The following TBCD variants were observed in gnomAD, a reference collection of about 807,000 sequenced individuals.
The protein encoded by TBCD is tubulin-specific chaperone D.
TBCD carries 105 observed loss-of-function variants against 169.3 expected under a neutral mutation model. That is an observed-to-expected ratio of 0.62 (90% CI 0.53 to 0.73). The LOEUF is 0.73. Among genes scored for constraint, TBCD ranks in the 30% least tolerant of loss-of-function variants. The probability of loss-of-function intolerance (pLI) is 0.00; values close to 1 mark genes in which losing one functional copy is unlikely to be tolerated. For synonymous variants in TBCD, 700 were observed against 643.9 expected (o/e 1.09, Z -1.32); for missense variants, 1,444 against 1,600.1 (o/e 0.90, Z 1.66).
At chr17:82,790,350 G>A (rs1430853992) in intron 7 of TBCD, among the ~76,000 whole-genome samples, 6 of 152,204 alleles carry the variant, frequency 3.9e-5, no homozygotes, top group African/African-American at 9.7e-5. Flanking sequence ...TGTGGCCTGC[G>A]TAAAGGGTGG....
intron 12 of TBCD, 139 bp from the exon 13 acceptor site, chr17:82,814,701 G>A: frequency 1.3e-6 from 1 of 780,512 alleles, no homozygotes; most frequent in Non-Finnish European, 2.1e-6. Context: ...AAAAACTTAG[G>A]AATGGGTTTT....
chr17:82,889,515 G>C lies in TBCD; in HGVS notation c.1534-153G>C, dbSNP rs939216215. Among the ~76,000 whole-genome samples the C allele has an allele frequency of 6.6e-6, 1 of 152,132 alleles. No homozygotes were observed. The highest frequency in any genetic ancestry group is 2.4e-5 in the African/African-American group (1 of 41,418). ...CACCAGGACGTAAAAACAGAGTGAC[G>C]CACCTTGAGGCTCTGTTCAGCCAAC... is the stretch of plus-strand genomic sequence containing the variant. On this transcript the variant is annotated intron_variant, in intron 15 of 38. Transcript: ENST00000355528. This position sits in a 1 kb window ranked among gnomAD's most constrained non-coding sequence, Gnocchi z 5.3.
chr17:82,938,549 TA>T (rs1408650763), intron 36 of TBCD, among the ~76,000 whole-genome samples: 1 of 152,236 alleles, frequency 6.6e-6, no homozygotes, highest in Non-Finnish European at 1.5e-5. Flanking sequence ...GACATTTTCC[TA>T]AAAGGCAAAA....
chr17:82,784,717 C>T (rs148797097), intron 7 of TBCD, among the ~76,000 whole-genome samples: 1 of 152,140 alleles, frequency 6.6e-6, no homozygotes, highest in South Asian at 2.1e-4. Flanking sequence ...GCTGGGTGTA[C>T]AGACAGCCTC....
At chr17:82,823,258 G>T (rs1215150297) in intron 13 of TBCD, among the ~76,000 whole-genome samples, 10 of 152,220 alleles carry the variant, frequency 6.6e-5, no homozygotes. Context: ...GCTGCCCCCT[G>T]CAGGCCTGTG....
intron 5 of TBCD, among the ~76,000 whole-genome samples, chr17:82,771,276 G>A (rs1388592944): frequency 6.6e-6 from 1 of 152,022 alleles, no homozygotes; most frequent in African/African-American, 2.4e-5. Context: ...GAGTTTGAGA[G>A]CAGCCTAGAC....
intron 7 of TBCD, among the ~76,000 whole-genome samples, chr17:82,784,457 C>T (rs533837126): frequency 1.1e-4 from 17 of 152,020 alleles, no homozygotes; most frequent in African/African-American, 2.2e-4. Context: ...TTGAAGGGTA[C>T]GGGGGTGGAG....
chr17:82,917,605 G>A (rs994576344), intron 23 of TBCD, among the ~76,000 whole-genome samples: 3 of 152,232 alleles, frequency 2.0e-5, no homozygotes, highest in African/African-American at 7.2e-5. Context: ...GAGACTTGAT[G>A]TTGGCTCTTG....
At chr17:82,933,189 C>A (rs898988710) in intron 34 of TBCD, among the ~76,000 whole-genome samples, 16 of 151,818 alleles carry the variant, frequency 1.1e-4, no homozygotes, top group African/African-American at 3.9e-4. Context: ...CCAGGCTGGT[C>A]TCAGCTGGGT....
At chr17:82,885,589 G>A (rs2058662540) in intron 15 of TBCD, among the ~76,000 whole-genome samples, 1 of 152,008 alleles carries the variant, frequency 6.6e-6, no homozygotes, top group Non-Finnish European at 1.5e-5. Context: ...TTTACCCAAA[G>A]GCAGTAAATG....
chr17:82,900,851 C>G (rs1301027647), intron 18 of TBCD, 120 bp downstream of exon 18: 2 of 750,776 alleles, frequency 2.7e-6, no homozygotes, highest in African/African-American at 3.5e-5. Flanking sequence ...AAAATAACTT[C>G]TGAGAAGTAA....
rs1211797244 is a variant in TBCD, at chr17:82,874,735, C to T, written c.1475+4355C>T. Among the ~76,000 whole-genome samples the T allele has an allele frequency of 3.9e-5, 6 of 152,204 alleles. No individual in the cohort carries two copies. Among genetic ancestry groups the T allele is most frequent in the African/African-American group, 9.7e-5 (4 of 41,450 alleles). On this transcript the variant is annotated intron_variant, in intron 14 of 38. Coordinates refer to ENST00000355528, the MANE Select transcript of TBCD (RefSeq NM_005993.5). The surrounding 1 kb of genome is among the most constrained non-coding windows in gnomAD (Gnocchi z 5.0). Reference sequence around the variant, plus strand: ...GTGAGCGTGTGGGATGCTGCTGGTGCGAGCCTCCCTGCCCAGGAGCCCTGC... The same window carrying T: ...GTGAGCGTGTGGGATGCTGCTGGTGTGAGCCTCCCTGCCCAGGAGCCCTGC...
chr17:82,771,787 A>G lies in TBCD; in HGVS notation c.583-665A>G, dbSNP rs535903218. On this transcript the variant is annotated intron_variant, in intron 5 of 38. Coordinates refer to ENST00000355528, the MANE Select transcript of TBCD (RefSeq NM_005993.5). ...CAGAGCGAGACCCGGTCTCAAAACA[A>G]CAGCAAAAAAACCCTAAGACCAGCT... Among the ~76,000 whole-genome samples the G allele has an allele frequency of 2.0e-4, 31 of 152,166 alleles. No individual in the cohort carries two copies. The South Asian group carries it at 5.0e-3, about 24-fold the overall frequency.
intron 6 of TBCD, among the ~76,000 whole-genome samples, chr17:82,774,623 G>A (rs868527427): frequency 1.3e-5 from 2 of 152,046 alleles, no homozygotes; most frequent in African/African-American, 2.4e-5. Context: ...CAGACTTGGC[G>A]GCCGGGCAGA....
Position 82,781,584 on chromosome 17 carries a change from G to C in TBCD, c.639-5G>C. The C allele has an allele frequency of 6.2e-7, 1 of 1,613,492 alleles. No individual in the cohort carries two copies. Among genetic ancestry groups the C allele is most frequent in the Non-Finnish European group, 8.5e-7 (1 of 1,179,820 alleles). On this transcript the variant is annotated splice_region_variant and splice_polypyrimidine_tract_variant and intron_variant, in intron 6 of 38. Coordinates refer to ENST00000355528, the MANE Select transcript of TBCD (RefSeq NM_005993.5). ...GGCCTTGGTTGAGCTGTATCCTTTTGGCAGATTTATCACACGTCCTGATGT... is the reference window on the plus strand; with the variant it reads ...GGCCTTGGTTGAGCTGTATCCTTTTCGCAGATTTATCACACGTCCTGATGT...
Position 82,831,488 on chromosome 17 carries a change from T to G in TBCD, c.1318+16554T>G, listed in dbSNP as rs765631816. Reference sequence around the variant, plus strand: ...TAGGAGGAAAATGCAGACTCTGGCCTGTAAAATCCGTAAGGAATCGGCAGG... The same window carrying G: ...TAGGAGGAAAATGCAGACTCTGGCCGGTAAAATCCGTAAGGAATCGGCAGG... On this transcript the variant is annotated intron_variant, in intron 13 of 38. Transcript: ENST00000355528. The surrounding 1 kb of genome is among the most constrained non-coding windows in gnomAD (Gnocchi z 4.6). The G allele has an allele frequency of 1.2e-6, 2 of 1,614,150 alleles. No homozygotes were observed. The highest frequency in any genetic ancestry group is 2.2e-5 in the South Asian group (2 of 91,078).
Position 82,927,929 on chromosome 17 carries a change from T to G in TBCD, c.2634T>G (p.Ser878Arg). 6.2e-7 allele frequency: 1 copy of G among 1,613,490 alleles called. No individual in the cohort carries two copies. The highest frequency in any genetic ancestry group is 1.1e-5 in the South Asian group (1 of 91,082). Residue 878 changes from serine (S) to arginine (R), a missense_variant, in exon 30 of 39, where the codon AGT becomes AGG. Transcript: ENST00000355528. ...GTWVRKAAMTSLMDLTLLLAR... is the reference protein window; with the variant it reads ...GTWVRKAAMTRLMDLTLLLAR... ...GGGTCCGCAAGGCCGCCATGACCAG[T>G]CTGATGGATCTGACACTTCTGCTGG...
intron 13 of TBCD, among the ~76,000 whole-genome samples, chr17:82,817,418 C>T (rs999661688): frequency 1.3e-5 from 2 of 152,170 alleles, no homozygotes; most frequent in Non-Finnish European, 2.9e-5. Flanking sequence ...TACCTCAGTC[C>T]CCTAAGTAGC....
intron 13 of TBCD, among the ~76,000 whole-genome samples, chr17:82,836,687 C>CAA (rs559997152): frequency 2.1e-4 from 25 of 116,926 alleles, no homozygotes; most frequent in African/African-American, 7.7e-4. Flanking sequence ...TACTTTTAGG[C>CAA]AAAAAAAAAA....
Sources: gnomAD v4.1 joint callset for allele counts (sites outside exome capture counted in the v4.1 genomes callset) on GRCh38, gnomAD v4.1.1 for gene constraint, Gnocchi (gnomAD v3.1) non-coding constraint, MANE v1.5 for transcripts, NCBI Gene and HGNC (gene_info 2026-07-23, HGNC 2026-07-21) for gene names.